The following CTNNA2 variants were observed in gnomAD, a reference collection of about 807,000 sequenced individuals.
CTNNA2 encodes the protein catenin alpha 2.
In CTNNA2, 42 loss-of-function variants were observed where a neutral mutation model predicts 101.0. The observed-to-expected ratio is 0.42, with a 90% CI of 0.32 to 0.54. CTNNA2 has a LOEUF of 0.54. Among genes scored for constraint, CTNNA2 ranks in the 20% least tolerant of loss-of-function variants. The pLI is 0.14. For synonymous variants in CTNNA2, 450 were observed against 456.4 expected (o/e 0.99, Z 0.18); for missense variants, 871 against 1,223.1 (o/e 0.71, Z 4.29).
At chr2:80,638,202 G>A (rs909154834) in intron 18 of CTNNA2, among the ~76,000 whole-genome samples, 1 of 152,152 alleles carries the variant, frequency 6.6e-6, no homozygotes, top group Non-Finnish European at 1.5e-5. Context: ...AATTATTTAT[G>A]AGACATAAAC....
intron 9 of CTNNA2, among the ~76,000 whole-genome samples, chr2:80,489,523 A>G (rs1197029822): frequency 6.6e-6 from 1 of 152,202 alleles, no homozygotes; most frequent in East Asian, 1.9e-4. Context: ...GGAAATCAAA[A>G]TAATGGCATG....
chr2:80,277,583 AC>A (rs1352263777), intron 7 of CTNNA2, among the ~76,000 whole-genome samples: 3 of 149,340 alleles, frequency 2.0e-5, no homozygotes, highest in African/African-American at 7.3e-5. Context: ...ATGGACTTCA[AC>A]CAAACCTTGA....
chr2:79,968,747 G>T (rs182408312), intron 7 of CTNNA2, among the ~76,000 whole-genome samples: 2 of 152,070 alleles, frequency 1.3e-5, no homozygotes, highest in Admixed American at 6.6e-5. Flanking sequence ...ATTTCGTATG[G>T]TTACTTGATA....
chr2:79,781,172 C>A (rs998108730), intron 3 of CTNNA2, among the ~76,000 whole-genome samples: 5 of 152,184 alleles, frequency 3.3e-5, no homozygotes, highest in African/African-American at 1.2e-4. Flanking sequence ...GGTGAATTAT[C>A]CATGCCTCCC....
rs79775157 is a variant in CTNNA2 at position 80,221,610 on chromosome 2, G to A, written c.1057-171601G>A. On this transcript the variant is annotated intron_variant, in intron 7 of 18. Transcript: ENST00000402739. Reference sequence around the variant, plus strand: ...TTATTCCTGATATACTCATTTCCTGGCATTCAGCTTCCTTTCTTCCATTGG... The same window carrying A: ...TTATTCCTGATATACTCATTTCCTGACATTCAGCTTCCTTTCTTCCATTGG... 4.5e-3 allele frequency among the ~76,000 whole-genome samples: 680 copies of A among 152,226 alleles called. 3 individuals carry two copies. The highest frequency in any genetic ancestry group is 0.015 in the African/African-American group (637 of 41,526).
upstream of CTNNA2, among the ~76,000 whole-genome samples, chr2:79,512,827 C>G (rs1177533971): frequency 6.6e-6 from 1 of 151,434 alleles, no homozygotes; most frequent in East Asian, 2.0e-4. Flanking sequence ...GGCCCCCCAC[C>G]CAGCCACCCC....
At chr2:80,483,960 G>C (rs546895634) in intron 9 of CTNNA2, among the ~76,000 whole-genome samples, 40 of 151,972 alleles carry the variant, frequency 2.6e-4, no homozygotes, top group Non-Finnish European at 4.9e-4. Context: ...CTTCATCATG[G>C]GTAAATGTGA....
At chr2:80,163,144 C>A in intron 7 of CTNNA2, 1 of 1,558,488 alleles carries the variant, frequency 6.4e-7, no homozygotes. Context: ...TTATTACTGG[C>A]CCAGCCTGGT....
At chr2:79,990,309 G>A (rs1293394735) in intron 7 of CTNNA2, among the ~76,000 whole-genome samples, 1 of 152,100 alleles carries the variant, frequency 6.6e-6, no homozygotes, top group Admixed American at 6.6e-5. Flanking sequence ...AATGATTTTT[G>A]TGCACCTGAG....
chr2:80,170,493 G>T (rs917968308), intron 7 of CTNNA2, among the ~76,000 whole-genome samples: 1 of 152,152 alleles, frequency 6.6e-6, no homozygotes, highest in Non-Finnish European at 1.5e-5. Flanking sequence ...CACTCAGTAT[G>T]TGCTGGTAAA....
chr2:80,101,465 A>C (rs892181368), intron 7 of CTNNA2, among the ~76,000 whole-genome samples: 2 of 151,938 alleles, frequency 1.3e-5, no homozygotes, highest in Non-Finnish European at 2.9e-5. Flanking sequence ...CTTTTTTATT[A>C]TTTTTATCTT....
chr2:80,014,209 T>C (rs1322034473), intron 7 of CTNNA2, among the ~76,000 whole-genome samples: 2 of 152,158 alleles, frequency 1.3e-5, no homozygotes, highest in African/African-American at 4.8e-5. Flanking sequence ...ATTCTTTTAA[T>C]AATCATTTTT....
chr2:79,773,116 G>A (rs957271333), intron 3 of CTNNA2, among the ~76,000 whole-genome samples: 7 of 152,176 alleles, frequency 4.6e-5, no homozygotes, highest in Non-Finnish European at 4.4e-5. Context: ...ATGAAGACTA[G>A]AAAGGTTGGA....
chr2:79,248,835 A>G (rs1215379541), intron 2 of CTNNA2, among the ~76,000 whole-genome samples: 7 of 152,216 alleles, frequency 4.6e-5, no homozygotes, highest in Non-Finnish European at 1.5e-5. Context: ...ATGTGTATGA[A>G]TGAGACACTT....
intron 2 of CTNNA2, among the ~76,000 whole-genome samples, chr2:79,243,325 A>C (rs989536699): frequency 1.2e-4 from 19 of 152,156 alleles, no homozygotes; most frequent in African/African-American, 4.3e-4. Context: ...ACTTGTAAAA[A>C]AAGTACTTCT....
At chr2:79,660,153 A>G (rs1358678951) in intron 2 of CTNNA2, among the ~76,000 whole-genome samples, 1 of 151,484 alleles carries the variant, frequency 6.6e-6, no homozygotes, top group Non-Finnish European at 1.5e-5. Flanking sequence ...TACACACACA[A>G]GTAGTATGTA....
intron 2 of CTNNA2, among the ~76,000 whole-genome samples, chr2:79,673,861 A>C (rs550155006): frequency 6.6e-6 from 1 of 152,318 alleles, no homozygotes; most frequent in African/African-American, 2.4e-5. Flanking sequence ...AATAAGCCAC[A>C]GTCAATCTTT....
chr2:79,745,298 G>T (rs2104996481), intron 3 of CTNNA2, among the ~76,000 whole-genome samples: 1 of 152,136 alleles, frequency 6.6e-6, no homozygotes, highest in African/African-American at 2.4e-5. Flanking sequence ...GGGCATGGCA[G>T]CGTGCGCCTG....
intron 11 of CTNNA2, among the ~76,000 whole-genome samples, chr2:80,550,612 C>T (rs1017984590): frequency 3.9e-5 from 6 of 152,226 alleles, no homozygotes; most frequent in Admixed American, 2.0e-4. Context: ...TTCACACTAT[C>T]ATAGCTAGGG....
Sources: allele counts gnomAD v4.1 joint callset (sites outside exome capture counted in the v4.1 genomes callset), GRCh38; gene constraint gnomAD v4.1.1; transcripts MANE v1.5; gene names NCBI Gene and HGNC (gene_info 2026-07-23, HGNC 2026-07-21).